Variants in OFD1 observed in about 807,000 individuals in gnomAD.
OFD1 encodes the protein OFD1 centriole and centriolar satellite protein, also known as centriole and centriolar satellite protein OFD1.
Under a neutral mutation model 81.4 loss-of-function variants are expected in OFD1, and 12 were observed. The observed-to-expected ratio is 0.15, with a 90% CI of 0.09 to 0.24. OFD1 has a LOEUF of 0.24. OFD1 is among the 10% of genes least tolerant of loss of function. The pLI is 1.00. For synonymous variants in OFD1, 256 were observed against 263.7 expected, an observed-to-expected ratio of 0.97 and a Z score of 0.28; for missense variants, 685 against 733.9, an observed-to-expected ratio of 0.93 and a Z score of 0.77.
chrX:13,749,380 T>A (rs771542260), intron 8 of OFD1, 47 bp from the exon 9 acceptor site: 14 of 775,411 alleles, frequency 1.8e-5, no homozygotes, highest in Non-Finnish European at 2.6e-5. Flanking sequence ...CAAATCTGTT[T>A]TGCTTTCATT....
intron 19 of OFD1, among the ~76,000 whole-genome samples, chrX:13,764,342 G>GA (rs2048045020): frequency 8.9e-6 from 1 of 112,455 alleles, no homozygotes; most frequent in Non-Finnish European, 1.9e-5. Context: ...AATTAGGACA[G>GA]AAAAACTTCG....
intron 15 of OFD1, among the ~76,000 whole-genome samples, chrX:13,758,704 A>G (rs1181775046): frequency 9.0e-6 from 1 of 111,480 alleles, no homozygotes; most frequent in African/African-American, 3.3e-5. Flanking sequence ...CGTGGTGGTA[A>G]CATAGAAGTC....
chrX:13,753,540 A>G (rs1602865041), intron 11 of OFD1, 99 bp downstream of exon 11: 25 of 787,310 alleles, frequency 3.2e-5, no homozygotes, highest in Non-Finnish European at 4.6e-5. Context: ...AATACAGCTT[A>G]CACTTCATTG....
In OFD1 at chrX:13,738,904, A is replaced by G. The variant is rs1377708186; in HGVS notation, c.371A>G (p.Tyr124Cys). ...LIKINPTSSLYKSLVSGSDKE... is the reference protein window; with the variant it reads ...LIKINPTSSLCKSLVSGSDKE... ...AAAATCAACCCTACTTCCAGTCTCT[A>G]CAAATCACTGGTAAGATGGCTTAGT... The change falls in exon 4 of 23, where the codon TAC becomes TGC. Residue 124 changes from tyrosine (Y) to cysteine (C), a missense_variant. Physicochemically the swap from Tyr to Cys is radical, Grantham distance 194. Transcript: ENST00000340096. The G allele has an allele frequency of 8.4e-7, 1 of 1,189,280 alleles. No homozygotes were observed. Among genetic ancestry groups the G allele is most frequent in the Admixed American group, 2.2e-5 (1 of 46,037 alleles).
intron 10 of OFD1, among the ~76,000 whole-genome samples, chrX:13,752,441 G>A (rs1019874887): frequency 8.9e-6 from 1 of 112,099 alleles, no homozygotes; most frequent in Non-Finnish European, 1.9e-5. Context: ...ATTTGTCATC[G>A]ATATTCCATT....
chrX:13,741,104 C>T (rs776596425), intron 5 of OFD1, among the ~76,000 whole-genome samples: 5 of 110,582 alleles, frequency 4.5e-5, no homozygotes, highest in South Asian at 3.9e-4. Flanking sequence ...CACGCCACTG[C>T]GCTCCAGCCT....
rs747167069 is a variant in OFD1 at position 13,761,904 on chromosome X, C to CTTTTT, written c.2388-421_2388-417dup. ...ACATGGGCCTGTCGTAGTCCTAAAG[C>CTTTTT]TTTTTTTTTTTTTTTTTTTTTTTGT... On this transcript the variant is annotated intron_variant, in intron 17 of 22. Coordinates refer to ENST00000340096, the MANE Select transcript of OFD1 (RefSeq NM_003611.3). Among the ~76,000 whole-genome samples, 180 of 68,940 alleles carry CTTTTT rather than the reference C, an allele frequency of 2.6e-3. 2 individuals are homozygous for CTTTTT. The highest frequency in any genetic ancestry group is 0.01 in the African/African-American group (174 of 16,857). 59.9% of individuals were successfully genotyped at this position (68,940 alleles called of 115,157 possible).
chrX:13,745,002 T>C (rs746210668), intron 6 of OFD1, among the ~76,000 whole-genome samples: 16 of 112,112 alleles, frequency 1.4e-4, no homozygotes, highest in African/African-American at 1.9e-4. Flanking sequence ...CTCCCATCCA[T>C]GATCTGGAGC....
chrX:13,735,200 C>G, intron 1 of OFD1, 48 bp from the exon 2 acceptor site: 1 of 1,193,489 alleles, frequency 8.4e-7, no homozygotes, highest in Non-Finnish European at 1.1e-6. Flanking sequence ...TTCAGACGTT[C>G]ACGTTCCCTC....
chrX:13,752,815 A>C (rs2047555275), intron 10 of OFD1: 1 of 967,271 alleles, frequency 1.0e-6, no homozygotes, highest in Admixed American at 3.1e-5. Flanking sequence ...TCCTTTTGGA[A>C]CCAAAAGGGC....
rs2047423248 is a variant in OFD1, at chrX:13,749,473, A to G, written c.875A>G (p.Asp292Gly). Residue 292 changes from aspartate (D) to glycine (G), a missense_variant, in exon 9 of 23, where the codon GAT (aspartate) becomes GGT (glycine). Around this residue, in one of 3 missense-constraint regions of OFD1, gnomAD observed 414 missense variants for 447.2 expected, o/e 0.93. Transcript: ENST00000340096. Reference protein sequence around the residue: ...IYAQRQLLLKDMDLLRGREAE... With the variant: ...IYAQRQLLLKGMDLLRGREAE... ...GCTCAAAGGCAACTTTTACTAAAAG[A>G]TATGGATTTGCTAAGAGGAAGAGAA... 8.3e-7 allele frequency: 1 copy of G among 1,201,679 alleles called. No homozygotes were observed. Among genetic ancestry groups the G allele is most frequent in the South Asian group, 1.8e-5 (1 of 56,654 alleles).
rs759684370 is a variant in OFD1 at position 13,756,440 on chromosome X, C to G, written c.1222-138C>G. The G allele has an allele frequency of 6.3e-6, 3 of 474,253 alleles. No individual in the cohort carries two copies. In the South Asian group the frequency reaches 1.1e-4, roughly 17 times the overall value. 39.1% of individuals were successfully genotyped at this position (474,253 alleles called of 1,213,427 possible). A position where few individuals can be genotyped will look rare whatever the true frequency, so the allele number is the denominator to read the frequency against. ...TAATTTTCGTTATTGTAGTTAGAGT[C>G]TTATTGTAGAGAATCAGACTTCTGT... On this transcript the variant is annotated intron_variant, in intron 12 of 22. Coordinates refer to ENST00000340096, the MANE Select transcript of OFD1 (RefSeq NM_003611.3).
At chrX:13,726,003 G>A in the OFD1 span, among the ~76,000 whole-genome samples, 7 of 111,663 alleles carry the variant, frequency 6.3e-5, no homozygotes, top group African/African-American at 2.3e-4. Context: ...AGAAGAAAGG[G>A]TATCAGTGAT....
the OFD1 span, among the ~76,000 whole-genome samples, chrX:13,719,153 T>C: frequency 1.4e-4 from 16 of 110,565 alleles, no homozygotes; most frequent in Admixed American, 5.8e-4. Flanking sequence ...CAAGACTCTG[T>C]CTCAAAAAGA....
At chrX:13,715,189 T>C in the OFD1 span, among the ~76,000 whole-genome samples, 11 of 113,095 alleles carry the variant, frequency 9.7e-5, no homozygotes, top group East Asian at 8.2e-4. Flanking sequence ...TAAAAACATA[T>C]GGGCCAGGCA....
At chrX:13,725,528 G>C in the OFD1 span, among the ~76,000 whole-genome samples, 7 of 112,309 alleles carry the variant, frequency 6.2e-5, no homozygotes, top group East Asian at 2.0e-3. Context: ...ACTGTTAGAA[G>C]GAAAACTAAC....
chrX:13,738,102 A>G (rs182635818), intron 3 of OFD1, among the ~76,000 whole-genome samples: 5 of 112,066 alleles, frequency 4.5e-5, no homozygotes, highest in South Asian at 3.7e-4. Context: ...GCCCACCTCA[A>G]TCTCCCAAAG....
chrX:13,767,802 CATATGAATGTTCCTTGGACTCTTGGTT>C, intron 20 of OFD1: 2 of 329,826 alleles, frequency 6.1e-6, no homozygotes, highest in Non-Finnish European at 1.1e-5. Flanking sequence ...ATTACTCTAA[CATATGAATGTTCCTTGGACTCTTGGTT>C]AATTCAAGTC....
rs2046794255 is a variant in OFD1, at chrX:13,734,950, G to A, written c.-122G>A. 5 of 1,134,599 alleles carry A rather than the reference G, an allele frequency of 4.4e-6. No homozygotes were observed. Among genetic ancestry groups the A allele is most frequent in the Non-Finnish European group, 5.8e-6 (5 of 862,290 alleles). 93.5% of individuals were successfully genotyped at this position (1,134,599 alleles called of 1,213,427 possible). The stretch of plus-strand genomic sequence containing the variant: ...ACCTTTGTTCCTCCCGAACCCTCGG[G>A]ACAGAGGCAGGGTTCTGAGGGCAGG... On this transcript the variant is annotated 5_prime_UTR_variant, in exon 1 of 23. Coordinates refer to ENST00000340096, the MANE Select transcript of OFD1 (RefSeq NM_003611.3).
Sources: allele counts gnomAD v4.1 joint callset (sites outside exome capture counted in the v4.1 genomes callset), GRCh38; gene constraint gnomAD v4.1.1; regional missense constraint gnomAD v4.1.1; transcripts MANE v1.5; gene names NCBI Gene and HGNC (gene_info 2026-07-23, HGNC 2026-07-21).